The following CLEC16A variants were observed in gnomAD, a reference collection of about 807,000 sequenced individuals.
CLEC16A encodes protein CLEC16A.
Under a neutral mutation model 109.5 loss-of-function variants are expected in CLEC16A, and 51 were observed. The observed-to-expected ratio is 0.47, with a 90% CI of 0.37 to 0.59. The LOEUF (loss-of-function observed/expected upper bound fraction) is 0.59, where lower values mean the gene tolerates loss of function less well. Among genes scored for constraint, CLEC16A ranks in the 20% least tolerant of loss-of-function variants. The pLI, the probability that CLEC16A is intolerant of heterozygous loss-of-function variation, is 0.00. For missense variants in CLEC16A, 1,339 were observed against 1,394.0 expected (o/e 0.96, Z 0.63); for synonymous variants, 673 against 564.2 (o/e 1.19, Z -2.73).
At chr16:11,037,762 G>T (rs2047103795) in intron 13 of CLEC16A, among the ~76,000 whole-genome samples, 1 of 152,032 alleles carries the variant, frequency 6.6e-6, no homozygotes, top group Non-Finnish European at 1.5e-5. Flanking sequence ...GGGACACAGA[G>T]GAGCTTTTAT....
intron 10 of CLEC16A, among the ~76,000 whole-genome samples, chr16:10,991,444 A>G (rs1402655337): frequency 2.0e-5 from 3 of 151,234 alleles, no homozygotes; most frequent in Admixed American, 6.6e-5. Flanking sequence ...AAAAAAAAAA[A>G]AAAGAACAGC....
At chr16:11,027,113 G>C in intron 13 of CLEC16A, 1 of 1,515,934 alleles carries the variant, frequency 6.6e-7, no homozygotes, top group South Asian at 1.1e-5. Flanking sequence ...AAGCCACCCA[G>C]GCAAAGCAGG....
chr16:10,985,979 T>A (rs2043622697), intron 10 of CLEC16A, among the ~76,000 whole-genome samples: 1 of 148,972 alleles, frequency 6.7e-6, no homozygotes, highest in African/African-American at 2.5e-5. Flanking sequence ...GTGTTGGGAT[T>A]ACAAGTGTGA....
rs368804525 is a variant in CLEC16A at position 11,044,032 on chromosome 16, C to G, written c.1775C>G (p.Ala592Gly). 5 of 1,606,992 alleles carry G rather than the reference C, an allele frequency of 3.1e-6. No individual in the cohort carries two copies. Among genetic ancestry groups the G allele is most frequent in the Non-Finnish European group, 3.4e-6 (4 of 1,175,804 alleles). Residue 592 changes from alanine to glycine, a missense_variant, in exon 16 of 24, where the codon GCG becomes GGG. Ala to Gly is a moderately conservative substitution (Grantham distance 60, BLOSUM62 0). Transcript: ENST00000409790. ...KDVHLACLEGAREESVHLVRH... is the reference protein window; with the variant it reads ...KDVHLACLEGGREESVHLVRH... ...ACCTTCCTTCTCTTTTAACAGGGTG[C>G]GAGAGAAGAAAGTGTTCACCTTGTA...
intron 2 of CLEC16A, among the ~76,000 whole-genome samples, chr16:10,960,768 T>C (rs78761459): frequency 6.6e-6 from 1 of 152,232 alleles, no homozygotes; most frequent in Non-Finnish European, 1.5e-5. Flanking sequence ...CATTTGCTTA[T>C]ATTAATATGG....
At chr16:11,152,457 T>C (rs1363478665) in intron 22 of CLEC16A, among the ~76,000 whole-genome samples, 1 of 152,260 alleles carries the variant, frequency 6.6e-6, no homozygotes, top group Non-Finnish European at 1.5e-5. Context: ...AATGTTCATC[T>C]TCATGAGGAA....
intron 22 of CLEC16A, among the ~76,000 whole-genome samples, chr16:11,131,617 C>T (rs191351087): frequency 1.1e-3 from 160 of 152,288 alleles, no homozygotes; most frequent in African/African-American, 3.8e-3. Context: ...GGCTTAGTGA[C>T]ATGACAAAAA....
intron 19 of CLEC16A, among the ~76,000 whole-genome samples, chr16:11,074,093 T>C (rs1171962595): frequency 1.3e-5 from 2 of 152,234 alleles, no homozygotes; most frequent in Non-Finnish European, 1.5e-5. Context: ...GATTTCAACG[T>C]TTGAGCTACC....
chr16:11,043,883 G>GGA, intron 15 of CLEC16A, 145 bp from the exon 16 acceptor site: 1 of 450,126 alleles, frequency 2.2e-6, no homozygotes, highest in African/African-American at 2.2e-5. Context: ...CAAGAAAAGG[G>GGA]AAAAAAAAAA....
chr16:10,985,982 A>C (rs2043623012), intron 10 of CLEC16A, among the ~76,000 whole-genome samples: 1 of 141,094 alleles, frequency 7.1e-6, no homozygotes, highest in Admixed American at 7.4e-5. Flanking sequence ...TTGGGATTAC[A>C]AGTGTGAGAC....
chr16:11,003,674 A>G (rs1393235379), intron 11 of CLEC16A, among the ~76,000 whole-genome samples: 1 of 152,210 alleles, frequency 6.6e-6, no homozygotes, highest in African/African-American at 2.4e-5. Flanking sequence ...AAATGCTGCA[A>G]AGGCTTCGAT....
chr16:11,173,817 C>T (rs1283494112), intron 23 of CLEC16A, among the ~76,000 whole-genome samples: 2 of 152,170 alleles, frequency 1.3e-5, no homozygotes, highest in Non-Finnish European at 1.5e-5. Flanking sequence ...CTGAGGCTTC[C>T]GACCAAGACC....
chr16:11,134,354 G>A (rs376878492), intron 22 of CLEC16A, among the ~76,000 whole-genome samples: 9 of 152,108 alleles, frequency 5.9e-5, no homozygotes, highest in African/African-American at 1.9e-4. Flanking sequence ...TAACCATGTT[G>A]GGCACTTTAT....
At chr16:11,009,912 G>A (rs1275831106) in intron 11 of CLEC16A, among the ~76,000 whole-genome samples, 4 of 152,140 alleles carry the variant, frequency 2.6e-5, no homozygotes, top group Admixed American at 2.0e-4. Context: ...CCAGCACTTC[G>A]GGAGGCCAAC....
intron 18 of CLEC16A, among the ~76,000 whole-genome samples, chr16:11,058,028 T>C (rs926750662): frequency 6.6e-6 from 1 of 152,262 alleles, no homozygotes; most frequent in Non-Finnish European, 1.5e-5. Context: ...ATGGCTCTTA[T>C]GCTCATATTT....
chr16:10,989,922 C>T (rs191479044), intron 10 of CLEC16A, among the ~76,000 whole-genome samples: 3 of 152,300 alleles, frequency 2.0e-5, no homozygotes, highest in Admixed American at 1.3e-4. Flanking sequence ...CCGAGTCTCC[C>T]GTGTGCTGAA....
intron 10 of CLEC16A, among the ~76,000 whole-genome samples, chr16:10,998,837 C>T (rs941195261): frequency 1.3e-5 from 2 of 152,112 alleles, no homozygotes; most frequent in African/African-American, 2.4e-5. Flanking sequence ...GGGCCCTTCT[C>T]CTAGGGGCTT....
intron 23 of CLEC16A, among the ~76,000 whole-genome samples, chr16:11,171,501 G>A (rs1343270572): frequency 2.0e-5 from 3 of 152,182 alleles, no homozygotes; most frequent in South Asian, 4.1e-4. Context: ...CCCTCCCCAC[G>A]AAGTGTCCAG....
At chr16:11,069,473 C>T (rs1323746800) in intron 19 of CLEC16A, among the ~76,000 whole-genome samples, 2 of 151,808 alleles carry the variant, frequency 1.3e-5, no homozygotes, top group Non-Finnish European at 2.9e-5. Context: ...CTCGCTCTGT[C>T]GTCCAAGCTG....
Sources: gnomAD v4.1 joint callset for allele counts (sites outside exome capture counted in the v4.1 genomes callset) on GRCh38, gnomAD v4.1.1 for gene constraint, MANE v1.5 for transcripts, NCBI Gene and HGNC (gene_info 2026-07-23, HGNC 2026-07-21) for gene names.